TMEM255B: variants seen among roughly 807,000 people sequenced by gnomAD.
TMEM255B encodes transmembrane protein 255B, also known as family with sequence similarity 70, member B.
In TMEM255B, 35 loss-of-function variants were observed where a neutral mutation model predicts 34.5. That is an observed-to-expected ratio of 1.01 (90% confidence interval 0.77 to 1.34). TMEM255B has a LOEUF of 1.34. Ranked by LOEUF, TMEM255B falls within the 40% of genes most tolerant of loss-of-function variation. TMEM255B has a pLI of 0.00. For missense variants in TMEM255B, 432 were observed against 433.2 expected (o/e 1.00, Z 0.02); for synonymous variants, 206 against 201.2 (o/e 1.02, Z -0.20).
At chr13:113,767,958 C>A (rs1319538904) in intron 2 of TMEM255B, among the ~76,000 whole-genome samples, 1 of 152,222 alleles carries the variant, frequency 6.6e-6, no homozygotes, top group Admixed American at 6.5e-5. Context: ...AAGAAATATT[C>A]CTGTTATCCC....
intron 1 of TMEM255B, 117 bp from the exon 2 acceptor site, chr13:113,765,998 G>C: frequency 7.2e-7 from 1 of 1,383,314 alleles, no homozygotes; most frequent in African/African-American, 1.4e-5. Flanking sequence ...CCTGGAGGCA[G>C]GCGGGGATAG....
intron 3 of TMEM255B, among the ~76,000 whole-genome samples, chr13:113,784,617 T>C (rs1405488397): frequency 6.6e-6 from 1 of 152,122 alleles, no homozygotes; most frequent in Non-Finnish European, 1.5e-5. Context: ...GAAATGCCCA[T>C]TGTGAGCGGT....
At position 113,812,426 on chromosome 13, in the gene TMEM255B, C is replaced by T. The variant is rs55700617; in HGVS notation, c.*523C>T. On this transcript the variant is annotated 3_prime_UTR_variant, in exon 9 of 9. Transcript: ENST00000375353. The stretch of plus-strand genomic sequence containing the variant: ...TCCAACGCCCAGCGCTGTGTCTAAC[C>T]GCCTGTGAGTTGTTAGAATCCAGGG... The T allele has an allele frequency of 0.059, 9,146 of 154,144 alleles. 913 individuals are homozygous for T. Among genetic ancestry groups the T allele is most frequent in the African/African-American group, 0.21 (8,595 of 41,524 alleles). The allele number at this position is 154,144 out of a possible 1,614,324, so 9.5% of individuals were successfully genotyped here.
At position 113,780,160 on chromosome 13, in the gene TMEM255B, C is replaced by T. The variant is rs1451059094; in HGVS notation, c.252+11000C>T. ...GCCTGTCAGAAAGTGACATTCTTTACTTACCCCAGATCAGAACCCCTGTGC... is the reference window on the plus strand; with the variant it reads ...GCCTGTCAGAAAGTGACATTCTTTATTTACCCCAGATCAGAACCCCTGTGC... On this transcript the variant is annotated intron_variant, in intron 3 of 8. Coordinates refer to ENST00000375353, the MANE Select transcript of TMEM255B (RefSeq NM_182614.4). Among the ~76,000 whole-genome samples the T allele has an allele frequency of 3.9e-5, 6 of 152,218 alleles. No individual in the cohort carries two copies. In the East Asian group the frequency reaches 1.2e-3, roughly 29 times the overall value.
chr13:113,813,864 G>C lies in TMEM255B; in HGVS notation c.*1961G>C, dbSNP rs1460263094. 6.6e-6 allele frequency: 1 copy of C among 152,252 alleles called. No homozygotes were observed. The highest frequency in any genetic ancestry group is 1.9e-4 in the East Asian group (1 of 5,178). The allele number at this position is 152,252 out of a possible 1,614,324, so 9.4% of individuals were successfully genotyped here. A position where few individuals can be genotyped will look rare whatever the true frequency, so the allele number is the denominator to read the frequency against. ...GACTGGCCTTGAACCAGTCCGGGAG[G>C]TCGGGCACGAGCCGGAGGTGCGGCG... On this transcript the variant is annotated 3_prime_UTR_variant, in exon 9 of 9. Coordinates refer to ENST00000375353, the MANE Select transcript of TMEM255B (RefSeq NM_182614.4).
intron 3 of TMEM255B, among the ~76,000 whole-genome samples, chr13:113,785,521 TTAGACCAC>T (rs2050727484): frequency 6.6e-6 from 1 of 152,230 alleles, no homozygotes. Flanking sequence ...AAGAGAGGTC[TTAGACCAC>T]TGACAGAGAA....
At position 113,795,247 on chromosome 13, in the gene TMEM255B, T is replaced by C. The variant is rs201625787; in HGVS notation, c.342+10T>C. On this transcript the variant is annotated intron_variant, in intron 4 of 8. Transcript: ENST00000375353. ...TGCAGCACAGCACATTGTGAGTACA[T>C]TGTCATTGTGTGCACAGTCGCTTTC... The C allele has an allele frequency of 1.4e-5, 23 of 1,612,416 alleles. No homozygotes were observed. Among genetic ancestry groups the C allele is most frequent in the Middle Eastern group, 3.3e-4 (2 of 6,082 alleles).
chr13:113,784,496 C>T lies in TMEM255B; in HGVS notation c.253-10652C>T, dbSNP rs186154807. ...CAAAGCGCCTCCCAGACTGGAGCCA[C>T]GTGAGGAAGACAGAGAGAGAGAGAG... On this transcript the variant is annotated intron_variant, in intron 3 of 8. Coordinates refer to ENST00000375353, the MANE Select transcript of TMEM255B (RefSeq NM_182614.4). Among the ~76,000 whole-genome samples the T allele has an allele frequency of 1.4e-4, 21 of 150,668 alleles. No individual in the cohort carries two copies. The East Asian group carries it at 3.1e-3, about 22-fold the overall frequency.
At chr13:113,761,282 G>A in intron 1 of TMEM255B, 1 of 985,224 alleles carries the variant, frequency 1.0e-6, no homozygotes, top group Non-Finnish European at 1.2e-6. Context: ...TCCTGGCTCT[G>A]TGGAGTAGAG....
At chr13:113,804,079 G>A (rs903723236) in intron 7 of TMEM255B, among the ~76,000 whole-genome samples, 1 of 152,218 alleles carries the variant, frequency 6.6e-6, no homozygotes, top group Non-Finnish European at 1.5e-5. Flanking sequence ...GTGTGAAGGT[G>A]GGGAGGGAGG....
chr13:113,810,980 G>A (rs2051286216), intron 8 of TMEM255B, among the ~76,000 whole-genome samples: 2 of 152,114 alleles, frequency 1.3e-5, no homozygotes, highest in Non-Finnish European at 1.5e-5. Flanking sequence ...TCAGAGGCTC[G>A]CTGGCTGTGA....
In TMEM255B at chr13:113,799,541, C is replaced by T. The variant is rs1396979010; in HGVS notation, c.423+122C>T. On this transcript the variant is annotated intron_variant, in intron 5 of 8. Coordinates refer to ENST00000375353, the MANE Select transcript of TMEM255B (RefSeq NM_182614.4). ...GATTCTAATAGTTCCTGGGGGTCACCCCTGCAGCTGGTGAACCGTTGATGC... is the reference window on the plus strand; with the variant it reads ...GATTCTAATAGTTCCTGGGGGTCACTCCTGCAGCTGGTGAACCGTTGATGC... 8 of 903,960 alleles carry T rather than the reference C, an allele frequency of 8.8e-6. No individual in the cohort carries two copies. In the East Asian group the frequency reaches 1.8e-4, roughly 21 times the overall value. 56.0% of individuals were successfully genotyped at this position (903,960 alleles called of 1,614,324 possible). A position where few individuals can be genotyped will look rare whatever the true frequency, so the allele number is the denominator to read the frequency against.
chr13:113,802,255 C>G (rs1188062853), intron 7 of TMEM255B, among the ~76,000 whole-genome samples: 1 of 152,178 alleles, frequency 6.6e-6, no homozygotes, highest in East Asian at 1.9e-4. Flanking sequence ...AGGGGCCCCT[C>G]GCGGGAGGTG....
intron 4 of TMEM255B, among the ~76,000 whole-genome samples, chr13:113,796,246 C>T (rs1041490378): frequency 1.8e-4 from 27 of 150,278 alleles, no homozygotes; most frequent in Non-Finnish European, 5.9e-5. Flanking sequence ...GCACATAGCA[C>T]ACACCACAGA....
chr13:113,808,640 G>C (rs1441966458), intron 8 of TMEM255B, among the ~76,000 whole-genome samples: 1 of 150,468 alleles, frequency 6.6e-6, no homozygotes, highest in Non-Finnish European at 1.5e-5. Flanking sequence ...GTTCCTGGGT[G>C]GTTACTCTGT....
chr13:113,784,168 T>C (rs9577898), intron 3 of TMEM255B, among the ~76,000 whole-genome samples: 116,151 of 151,924 alleles, frequency 0.76, 45,047 homozygotes, highest in African/African-American at 0.88. Flanking sequence ...GCGGGGAGGG[T>C]GTAGGGATGT....
intron 4 of TMEM255B, among the ~76,000 whole-genome samples, chr13:113,797,105 C>T (rs962708764): frequency 3.9e-5 from 6 of 152,242 alleles, no homozygotes; most frequent in Admixed American, 2.6e-4. Flanking sequence ...GGTCCAGTCT[C>T]TGACCGCAGT....
intron 7 of TMEM255B, among the ~76,000 whole-genome samples, chr13:113,804,552 G>A (rs915918062): frequency 6.6e-6 from 1 of 152,198 alleles, no homozygotes. Context: ...GAGAACCTCA[G>A]TGTAAAGCTA....
At chr13:113,800,983 C>T (rs79620376) in intron 6 of TMEM255B, 71 bp downstream of exon 6, 27 of 1,058,084 alleles carry the variant, frequency 2.6e-5, no homozygotes, top group African/African-American at 9.8e-5. Flanking sequence ...CCCGTATCTA[C>T]ACCTGCGGGA....
Sources: gnomAD v4.1 joint callset for allele counts (sites outside exome capture counted in the v4.1 genomes callset) on GRCh38, gnomAD v4.1.1 for gene constraint, MANE v1.5 for transcripts, NCBI Gene and HGNC (gene_info 2026-07-23, HGNC 2026-07-21) for gene names.